Variants in DNAJC1 observed in about 807,000 individuals in gnomAD.
DNAJC1 encodes the protein DnaJ heat shock protein family (Hsp40) member C1.
In DNAJC1, 58 loss-of-function variants were observed where a neutral mutation model predicts 76.6. The observed-to-expected ratio is 0.76, with a 90% CI of 0.61 to 0.94. The LOEUF (loss-of-function observed/expected upper bound fraction) is 0.94. DNAJC1 is among the 40% of genes least tolerant of loss of function. The pLI is 0.00. For missense variants in DNAJC1, 689 were observed against 677.3 expected (o/e 1.02, Z -0.19); for synonymous variants, 258 against 267.9 (o/e 0.96, Z 0.36).
intron 7 of DNAJC1, among the ~76,000 whole-genome samples, chr10:21,887,638 A>C (rs1360793204): frequency 6.6e-6 from 1 of 152,224 alleles, no homozygotes; most frequent in Non-Finnish European, 1.5e-5. Flanking sequence ...CAATAAGGAA[A>C]GGACTCCCTA....
chr10:21,938,421 G>A (rs1168730306), intron 1 of DNAJC1, among the ~76,000 whole-genome samples: 2 of 151,290 alleles, frequency 1.3e-5, no homozygotes, highest in Non-Finnish European at 1.5e-5. Context: ...GTTTTGCTAC[G>A]TAATAGCACT....
At chr10:21,815,928 G>C (rs1320673516) in intron 8 of DNAJC1, among the ~76,000 whole-genome samples, 2 of 151,448 alleles carry the variant, frequency 1.3e-5, no homozygotes, top group Non-Finnish European at 2.9e-5. Context: ...ATTTTTAGTA[G>C]AGATGGGGTT....
At chr10:21,865,009 A>G (rs1295372975) in intron 8 of DNAJC1, among the ~76,000 whole-genome samples, 2 of 152,140 alleles carry the variant, frequency 1.3e-5, no homozygotes, top group African/African-American at 2.4e-5. Flanking sequence ...TCAGAATCAC[A>G]ACGACGTACT....
At chr10:21,816,341 C>A (rs1043339191) in intron 8 of DNAJC1, among the ~76,000 whole-genome samples, 1 of 151,888 alleles carries the variant, frequency 6.6e-6, no homozygotes, top group Non-Finnish European at 1.5e-5. Flanking sequence ...GCCTGGCCGA[C>A]AGAGCAAGAC....
intron 1 of DNAJC1, among the ~76,000 whole-genome samples, chr10:21,993,213 A>AT (rs1298595899): frequency 6.6e-6 from 1 of 152,200 alleles, no homozygotes; most frequent in Non-Finnish European, 1.5e-5. Context: ...CTATACACAC[A>AT]TAAGTATATA....
At chr10:21,956,897 A>ATTT (rs772137685) in intron 1 of DNAJC1, among the ~76,000 whole-genome samples, 3 of 134,704 alleles carry the variant, frequency 2.2e-5, no homozygotes, top group African/African-American at 5.7e-5. Flanking sequence ...TTATTTCTAG[A>ATTT]TTTTTTTTTT....
chr10:21,864,945 A>C (rs1835973967), intron 8 of DNAJC1, among the ~76,000 whole-genome samples: 1 of 152,130 alleles, frequency 6.6e-6, no homozygotes, highest in South Asian at 2.1e-4. Context: ...TGATATTCAA[A>C]TGGAAAACAC....
intron 9 of DNAJC1, among the ~76,000 whole-genome samples, chr10:21,793,602 T>C (rs966213137): frequency 6.6e-6 from 1 of 152,174 alleles, no homozygotes; most frequent in African/African-American, 2.4e-5. Flanking sequence ...TATATAAAAA[T>C]CCACTGTATT....
At chr10:21,993,599 A>C (rs555721216) in intron 1 of DNAJC1, among the ~76,000 whole-genome samples, 1 of 152,262 alleles carries the variant, frequency 6.6e-6, no homozygotes, top group African/African-American at 2.4e-5. Context: ...CACAAGATGG[A>C]GATATTACTC....
At chr10:21,892,581 A>G (rs1327414237) in intron 7 of DNAJC1, among the ~76,000 whole-genome samples, 1 of 152,080 alleles carries the variant, frequency 6.6e-6, no homozygotes, top group African/African-American at 2.4e-5. Flanking sequence ...ACACAAACAT[A>G]TAAACACATG....
At chr10:21,991,408 AC>A (rs1396043359) in intron 1 of DNAJC1, among the ~76,000 whole-genome samples, 5 of 152,330 alleles carry the variant, frequency 3.3e-5, no homozygotes, top group Admixed American at 2.0e-4. Context: ...AGTTCAGACA[AC>A]CAATGTTCCT....
intron 8 of DNAJC1, among the ~76,000 whole-genome samples, chr10:21,876,283 G>C (rs1054755178): frequency 6.6e-6 from 1 of 151,832 alleles, no homozygotes; most frequent in Non-Finnish European, 1.5e-5. Context: ...GCTAATTTTT[G>C]TATTTTTTGG....
chr10:21,942,635 T>A, intron 1 of DNAJC1, among the ~76,000 whole-genome samples: 1 of 151,212 alleles, frequency 6.6e-6, no homozygotes, highest in East Asian at 1.9e-4. Flanking sequence ...TGAAACGCCG[T>A]CTCTACTAAA....
At chr10:21,915,831 G>A (rs987929645) in intron 6 of DNAJC1, among the ~76,000 whole-genome samples, 2 of 149,728 alleles carry the variant, frequency 1.3e-5, no homozygotes, top group African/African-American at 4.9e-5. Context: ...CCCACCTAGG[G>A]TACCCCCATC....
At chr10:21,785,769 A>C (rs1346519887) in intron 9 of DNAJC1, among the ~76,000 whole-genome samples, 1 of 152,188 alleles carries the variant, frequency 6.6e-6, no homozygotes, top group Non-Finnish European at 1.5e-5. Flanking sequence ...GAAGAGAGAA[A>C]GTGACAGGAA....
chr10:21,979,733 G>A (rs1286676443), intron 1 of DNAJC1, among the ~76,000 whole-genome samples: 1 of 150,444 alleles, frequency 6.6e-6, no homozygotes, highest in African/African-American at 2.4e-5. Flanking sequence ...TTTCACCATG[G>A]CTTTACCTTC....
At chr10:21,830,752 T>C (rs1835344166) in intron 8 of DNAJC1, among the ~76,000 whole-genome samples, 1 of 152,240 alleles carries the variant, frequency 6.6e-6, no homozygotes. Context: ...TTTCCATCCT[T>C]ATCTGTTGGT....
intron 1 of DNAJC1, among the ~76,000 whole-genome samples, chr10:21,929,973 A>G (rs1028984062): frequency 1.8e-4 from 28 of 152,280 alleles, no homozygotes; most frequent in African/African-American, 6.7e-4. Context: ...ATACACTGTC[A>G]AGTAGGGTTT....
intron 1 of DNAJC1, among the ~76,000 whole-genome samples, chr10:21,984,354 C>T (rs1390516649): frequency 2.6e-5 from 4 of 152,114 alleles, no homozygotes; most frequent in African/African-American, 9.7e-5. Flanking sequence ...TCACAAGGAC[C>T]CAGGCCACTA....
Sources: gnomAD v4.1 joint callset for allele counts (sites outside exome capture counted in the v4.1 genomes callset) on GRCh38, gnomAD v4.1.1 for gene constraint, MANE v1.5 for transcripts, NCBI Gene and HGNC (gene_info 2026-07-23, HGNC 2026-07-21) for gene names.